Variants in DDX10 observed in about 807,000 individuals in gnomAD.
DDX10 encodes the protein probable ATP-dependent RNA helicase DDX10.
In DDX10, 74 loss-of-function variants were observed where a neutral mutation model predicts 104.3. The observed-to-expected ratio is 0.71, with a 90% CI of 0.59 to 0.86. The LOEUF is 0.86. DDX10 is among the 40% of genes least tolerant of loss of function. DDX10 has a pLI of 0.00. For synonymous variants in DDX10, 351 were observed against 353.4 expected, an observed-to-expected ratio of 0.99 and a Z score of 0.08; for missense variants, 952 against 1,040.0, an observed-to-expected ratio of 0.92 and a Z score of 1.16.
At chr11:108,698,882 G>A (rs999973597) in intron 9 of DDX10, among the ~76,000 whole-genome samples, 1 of 152,136 alleles carries the variant, frequency 6.6e-6, no homozygotes, top group African/African-American at 2.4e-5. Flanking sequence ...TGTGCCAGGC[G>A]TGCTTTTGCC....
At chr11:108,731,016 G>A (rs1034804406) in intron 13 of DDX10, among the ~76,000 whole-genome samples, 17 of 151,542 alleles carry the variant, frequency 1.1e-4, no homozygotes, top group Admixed American at 3.9e-4. Context: ...GTTGAATTTC[G>A]TGGTTCTCCA....
At chr11:108,937,379 C>A (rs138527256) in intron 17 of DDX10, among the ~76,000 whole-genome samples, 1 of 152,088 alleles carries the variant, frequency 6.6e-6, no homozygotes, top group African/African-American at 2.4e-5. Context: ...ATTAAAAAAT[C>A]GGTTCAATTT....
intron 13 of DDX10, among the ~76,000 whole-genome samples, chr11:108,724,734 T>C (rs2094302997): frequency 6.6e-6 from 1 of 152,104 alleles, no homozygotes; most frequent in African/African-American, 2.4e-5. Flanking sequence ...AGGAATGATA[T>C]AGTTTTATAA....
At chr11:108,771,355 T>C (rs1726090649) in intron 13 of DDX10, among the ~76,000 whole-genome samples, 1 of 151,952 alleles carries the variant, frequency 6.6e-6, no homozygotes, top group Non-Finnish European at 1.5e-5. Context: ...GTTTTTTCTT[T>C]TTTTTCTTTT....
chr11:108,853,239 T>C lies in DDX10; in HGVS notation c.2304+1030T>C, dbSNP rs143704434. On this transcript the variant is annotated intron_variant, in intron 16 of 17. Transcript: ENST00000322536. Reference sequence around the variant, plus strand: ...TTTAACGTGCAGGCGTGAAACACCATGGCAGAACCACCACTAGATCTCAGA... The same window carrying C: ...TTTAACGTGCAGGCGTGAAACACCACGGCAGAACCACCACTAGATCTCAGA... 7.4e-4 allele frequency among the ~76,000 whole-genome samples: 112 copies of C among 152,270 alleles called. No individual in the cohort carries two copies. In the East Asian group the frequency reaches 0.02, roughly 27 times the overall value.
intron 13 of DDX10, among the ~76,000 whole-genome samples, chr11:108,747,918 T>TAC (rs1188150271): frequency 1.5e-4 from 23 of 152,102 alleles, no homozygotes; most frequent in Non-Finnish European, 1.3e-4. Context: ...GTATGTCAGA[T>TAC]AGAGACAGAC....
At chr11:108,703,046 C>T (rs765607003) in intron 9 of DDX10, among the ~76,000 whole-genome samples, 4 of 152,042 alleles carry the variant, frequency 2.6e-5, no homozygotes, top group South Asian at 2.1e-4. Context: ...TGTTATCGGG[C>T]GGCTAGACTC....
chr11:108,868,571 ATGATACACTGAGT>A (rs1863037921), intron 16 of DDX10, among the ~76,000 whole-genome samples: 1 of 152,088 alleles, frequency 6.6e-6, no homozygotes, highest in South Asian at 2.1e-4. Flanking sequence ...TGATGGCTTC[ATGATACACTGAGT>A]TGATACTCTA....
chr11:108,888,432 A>G lies in DDX10; in HGVS notation c.2305-29441A>G, dbSNP rs188578864. Among the ~76,000 whole-genome samples the G allele has an allele frequency of 7.2e-5, 11 of 152,314 alleles. No homozygotes were observed. The East Asian group carries it at 1.4e-3, about 19-fold the overall frequency. ...TCTTTCTTTACTATACAGAAGCCCA[A>G]TGATGATCTAAGTAAGTAAAATATA... is the stretch of plus-strand genomic sequence containing the variant. On this transcript the variant is annotated intron_variant, in intron 16 of 17. Transcript: ENST00000322536.
chr11:108,685,306 C>T (rs1214547917), intron 6 of DDX10, among the ~76,000 whole-genome samples: 3 of 151,104 alleles, frequency 2.0e-5, no homozygotes, highest in Middle Eastern at 3.4e-3. Context: ...CAGGTGCGTC[C>T]GTCACCCCTT....
chr11:108,869,511 A>G (rs538026009), intron 16 of DDX10, among the ~76,000 whole-genome samples: 1 of 152,210 alleles, frequency 6.6e-6, no homozygotes, highest in South Asian at 2.1e-4. Flanking sequence ...CTGCATTTTT[A>G]TTGATAAGCT....
intron 13 of DDX10, 196 bp from the exon 14 acceptor site, chr11:108,838,250 A>T (rs767763878): frequency 2.7e-5 from 12 of 444,278 alleles, no homozygotes; most frequent in Non-Finnish European, 4.3e-5. Context: ...TAATGCTTAA[A>T]CTCTTTTAGG....
At chr11:108,722,660 C>T (rs2094299717) in intron 12 of DDX10, among the ~76,000 whole-genome samples, 1 of 152,040 alleles carries the variant, frequency 6.6e-6, no homozygotes, top group Non-Finnish European at 1.5e-5. Context: ...TACTGTTATC[C>T]CCATGTTATA....
chr11:108,788,340 A>C (rs1458608915), intron 13 of DDX10, among the ~76,000 whole-genome samples: 2 of 151,738 alleles, frequency 1.3e-5, no homozygotes, highest in Non-Finnish European at 2.9e-5. Context: ...GACTCTATAC[A>C]GAATCTTTAT....
At chr11:108,920,095 A>G (rs946289733) in intron 17 of DDX10, 8 of 152,198 alleles carry the variant, frequency 5.3e-5, no homozygotes, top group Admixed American at 6.5e-5. Flanking sequence ...TAAAAAAGAA[A>G]TGTAATTATA....
chr11:108,885,957 C>A (rs1026157794), intron 16 of DDX10, among the ~76,000 whole-genome samples: 2 of 152,048 alleles, frequency 1.3e-5, no homozygotes, highest in African/African-American at 4.8e-5. Flanking sequence ...AAAGATTTTA[C>A]TGGGAAACTG....
At chr11:108,698,862 GT>G (rs1220751088) in intron 9 of DDX10, among the ~76,000 whole-genome samples, 1 of 152,216 alleles carries the variant, frequency 6.6e-6, no homozygotes, top group Non-Finnish European at 1.5e-5. Context: ...TGGTCTTGCT[GT>G]TTCTTTTATG....
chr11:108,911,930 C>G (rs1039694375), intron 16 of DDX10, among the ~76,000 whole-genome samples: 5 of 152,120 alleles, frequency 3.3e-5, no homozygotes, highest in Admixed American at 6.5e-5. Context: ...AAGGCATCCT[C>G]TCAGTGTTAA....
chr11:108,781,229 G>C (rs1379153476), intron 13 of DDX10, among the ~76,000 whole-genome samples: 3 of 152,108 alleles, frequency 2.0e-5, no homozygotes, highest in African/African-American at 7.2e-5. Context: ...TGCTGTAAAG[G>C]ACATGATTTC....
Sources: allele counts gnomAD v4.1 joint callset (sites outside exome capture counted in the v4.1 genomes callset), GRCh38; gene constraint gnomAD v4.1.1; transcripts MANE v1.5; gene names NCBI Gene and HGNC (gene_info 2026-07-23, HGNC 2026-07-21).